RASSF2: variants seen among roughly 807,000 people sequenced by gnomAD.
RASSF2 encodes ras association domain-containing protein 2.
In RASSF2, 34 loss-of-function variants were observed where a neutral mutation model predicts 46.3. That is an observed-to-expected ratio of 0.73 (90% CI 0.56 to 0.98). The LOEUF (loss-of-function observed/expected upper bound fraction) is 0.98, where lower values mean the gene tolerates loss of function less well. RASSF2 is among the 50% of genes least tolerant of loss of function. The pLI is 0.00. For missense variants in RASSF2, 364 were observed against 431.2 expected (o/e 0.84, Z 1.38); for synonymous variants, 158 against 162.5 (o/e 0.97, Z 0.21).
chr20:4,787,507 G>A, intron 10 of RASSF2, 126 bp downstream of exon 10: 2 of 1,170,968 alleles, frequency 1.7e-6, no homozygotes, highest in South Asian at 1.4e-5. Context: ...GAGAGAACCT[G>A]GTGCTGAAGA....
intron 2 of RASSF2, among the ~76,000 whole-genome samples, chr20:4,822,030 T>C (rs1189107240): frequency 1.3e-5 from 2 of 152,248 alleles, no homozygotes; most frequent in Non-Finnish European, 2.9e-5. Flanking sequence ...AACAACCCGA[T>C]ATATCTTCGC....
chr20:4,803,162 C>T (rs983254291), intron 2 of RASSF2, among the ~76,000 whole-genome samples: 4 of 151,974 alleles, frequency 2.6e-5, no homozygotes, highest in Non-Finnish European at 5.9e-5. Context: ...CTGCTTGCCT[C>T]GGCCTCCCAA....
In RASSF2 at chr20:4,812,499, T is replaced by C. The variant is rs1927901228; in HGVS notation, c.-33+9830A>G. Among the ~76,000 whole-genome samples, 2 of 152,152 alleles carry C rather than the reference T, an allele frequency of 1.3e-5. No individual in the cohort carries two copies. The highest frequency in any genetic ancestry group is 2.9e-5 in the Non-Finnish European group (2 of 68,028). On this transcript the variant is annotated intron_variant, in intron 2 of 11. Transcript: ENST00000379400. This position sits in a 1 kb window ranked among gnomAD's most constrained non-coding sequence, Gnocchi z 4.0. ...GGAAGAAAGTGCTTTCAGCCAAAAA[T>C]CAGCCAACCCAACTGTATTCTGGAG... is the stretch of plus-strand genomic sequence containing the variant.
chr20:4,821,994 GT>G (rs1371140478), intron 2 of RASSF2, among the ~76,000 whole-genome samples: 1 of 152,190 alleles, frequency 6.6e-6, no homozygotes, highest in East Asian at 1.9e-4. Flanking sequence ...AAGTGTTTTG[GT>G]TTTTTTGAAA....
At chr20:4,789,996 G>A (rs934061930) in intron 7 of RASSF2, among the ~76,000 whole-genome samples, 1 of 152,182 alleles carries the variant, frequency 6.6e-6, no homozygotes, top group African/African-American at 2.4e-5. Flanking sequence ...AGGAGGAAAG[G>A]AGGGATCAGC....
chr20:4,817,275 C>T (rs1403530861), intron 2 of RASSF2, among the ~76,000 whole-genome samples: 6 of 152,042 alleles, frequency 3.9e-5, no homozygotes, highest in Admixed American at 3.9e-4. Context: ...AATAATGCTG[C>T]GAGGGACATC....
intron 2 of RASSF2, 38 bp from the exon 3 acceptor site, chr20:4,801,100 T>A (rs752288339): frequency 3.2e-6 from 5 of 1,551,318 alleles, no homozygotes; most frequent in Non-Finnish European, 4.4e-6. Context: ...TAAAGTCAAG[T>A]TGTGTGCTTG....
chr20:4,786,424 A>G (rs1925345197), intron 10 of RASSF2, 96 bp from the exon 11 acceptor site: 1 of 1,101,142 alleles, frequency 9.1e-7, no homozygotes, highest in South Asian at 1.3e-5. Context: ...AGCCTTGGGA[A>G]GTCTATTTTT....
At chr20:4,792,711 C>T in intron 5 of RASSF2, 84 bp from the exon 6 acceptor site, 1 of 1,513,788 alleles carries the variant, frequency 6.6e-7, no homozygotes, top group Non-Finnish European at 8.8e-7. Context: ...GGACCCCACT[C>T]CTGAAAGGGG....
rs1313181044 is a variant in RASSF2 at position 4,780,790 on chromosome 20, C to T, written c.*3483G>A. The T allele has an allele frequency of 6.6e-6, 1 of 152,112 alleles. No individual in the cohort carries two copies. Among genetic ancestry groups the T allele is most frequent in the Non-Finnish European group, 1.5e-5 (1 of 68,052 alleles). The allele number at this position is 152,112 out of a possible 1,614,324, so 9.4% of individuals were successfully genotyped here. ...GACCAGCCTGGCCAAGATGGTGAAA[C>T]CCCACCTCTACTAAAACCACACAAA... On this transcript the variant is annotated 3_prime_UTR_variant, in exon 12 of 12. Coordinates refer to ENST00000379400, the MANE Select transcript of RASSF2 (RefSeq NM_014737.3).
rs563494283 is a variant in RASSF2 at position 4,812,192 on chromosome 20, T to G, written c.-33+10137A>C. ...AAGCCTGTCCTGGGCATGGGCAAAA[T>G]GTGGGCTGCCTCGGAAGGAAATGGC... On this transcript the variant is annotated intron_variant, in intron 2 of 11. Transcript: ENST00000379400. This position sits in a 1 kb window ranked among gnomAD's most constrained non-coding sequence, Gnocchi z 4.0. Among the ~76,000 whole-genome samples the G allele has an allele frequency of 6.6e-6, 1 of 152,228 alleles. No homozygotes were observed. Among genetic ancestry groups the G allele is most frequent in the South Asian group, 2.1e-4 (1 of 4,830 alleles).
At position 4,794,214 on chromosome 20, in the gene RASSF2, C is replaced by T. The variant is rs1926141606; in HGVS notation, c.288-1587G>A. Reference sequence around the variant, plus strand: ...TCAAGGTGGGAGGATTGCCTGAGGCCAGGAGTTTGAGACCAACCTGTGCAA... The same window carrying T: ...TCAAGGTGGGAGGATTGCCTGAGGCTAGGAGTTTGAGACCAACCTGTGCAA... On this transcript the variant is annotated intron_variant, in intron 5 of 11. Coordinates refer to ENST00000379400, the MANE Select transcript of RASSF2 (RefSeq NM_014737.3). 2.0e-5 allele frequency among the ~76,000 whole-genome samples: 3 copies of T among 152,014 alleles called. No individual in the cohort carries two copies. The South Asian group carries it at 6.2e-4, about 32-fold the overall frequency.
chr20:4,805,458 C>T (rs976179473), intron 2 of RASSF2, among the ~76,000 whole-genome samples: 3 of 152,100 alleles, frequency 2.0e-5, no homozygotes, highest in African/African-American at 7.2e-5. Flanking sequence ...GCGAGCAGAG[C>T]CCTACCACCA....
In RASSF2 at chr20:4,788,281, C is replaced by T. The variant is rs756368271; in HGVS notation, c.640-13G>A. ...CTGAATTCTCAATCTGAAGCAGGAG[C>T]AAAAGATTCTTGTTGAAAGTTTCTA... On this transcript the variant is annotated splice_polypyrimidine_tract_variant and intron_variant, in intron 8 of 11. Transcript: ENST00000379400. 3.7e-6 allele frequency: 6 copies of T among 1,603,168 alleles called. No homozygotes were observed. Among genetic ancestry groups the T allele is most frequent in the Non-Finnish European group, 5.1e-6 (6 of 1,170,172 alleles).
chr20:4,811,359 C>A (rs1927793699), intron 2 of RASSF2, among the ~76,000 whole-genome samples: 1 of 147,146 alleles, frequency 6.8e-6, no homozygotes, highest in Admixed American at 6.8e-5. Context: ...TTTAAAAAAT[C>A]AAATCAAATC....
Position 4,801,039 on chromosome 20 carries a change from T to A in RASSF2, c.-9A>T. 1 of 1,613,530 alleles carries A rather than the reference T, an allele frequency of 6.2e-7. No individual in the cohort carries two copies. The highest frequency in any genetic ancestry group is 8.5e-7 in the Non-Finnish European group (1 of 1,179,428). On this transcript the variant is annotated 5_prime_UTR_variant, in exon 3 of 12. Transcript: ENST00000379400. The stretch of plus-strand genomic sequence containing the variant: ...TGGTGGCTGTAGTCCATTCTTCCTT[T>A]CTCTTTTCATCGGAAGGAGAGGCCT...
At chr20:4,791,978 C>T (rs1246358579) in intron 6 of RASSF2, among the ~76,000 whole-genome samples, 45 of 152,056 alleles carry the variant, frequency 3.0e-4, no homozygotes, top group African/African-American at 4.1e-4. Flanking sequence ...CAACCAGGCG[C>T]GGTGGCTCAT....
At chr20:4,808,486 CT>C (rs11431404) in intron 2 of RASSF2, among the ~76,000 whole-genome samples, 19,531 of 131,510 alleles carry the variant, frequency 0.15, 1,970 homozygotes, top group African/African-American at 0.32. Flanking sequence ...TTACACAAAT[CT>C]TTTTTTTTTT....
chr20:4,805,318 C>T (rs1183807372), intron 2 of RASSF2, among the ~76,000 whole-genome samples: 1 of 152,066 alleles, frequency 6.6e-6, no homozygotes, highest in African/African-American at 2.4e-5. Flanking sequence ...GGCGACGTGA[C>T]AACTGCAGCA....
Sources: allele counts gnomAD v4.1 joint callset (sites outside exome capture counted in the v4.1 genomes callset), GRCh38; gene constraint gnomAD v4.1.1; non-coding constraint Gnocchi (gnomAD v3.1); transcripts MANE v1.5; gene names NCBI Gene and HGNC (gene_info 2026-07-23, HGNC 2026-07-21).